GRIA1: variants seen among roughly 807,000 people sequenced by gnomAD.
GRIA1 encodes the protein glutamate ionotropic receptor AMPA type subunit 1.
In GRIA1, 31 loss-of-function variants were observed where a neutral mutation model predicts 99.2. The ratio of observed to expected loss-of-function variants is 0.31; its 90% confidence interval spans 0.23 to 0.42. The LOEUF (loss-of-function observed/expected upper bound fraction) is 0.42. Among genes scored for constraint, GRIA1 ranks in the 10% least tolerant of loss-of-function variants. The pLI, the probability that GRIA1 is intolerant of heterozygous loss-of-function variation, is 1.00. For missense variants in GRIA1, 782 were observed against 1,157.5 expected (o/e 0.68, Z 4.71); for synonymous variants, 438 against 432.4 (o/e 1.01, Z -0.16).
At chr5:153,627,562 C>T (rs893532611) in intron 2 of GRIA1, among the ~76,000 whole-genome samples, 4 of 149,628 alleles carry the variant, frequency 2.7e-5, no homozygotes, top group Admixed American at 6.7e-5. Flanking sequence ...AAGTCACTAA[C>T]TCCAGAGTAA....
intron 8 of GRIA1, 26 bp from the exon 9 acceptor site, chr5:153,698,018 C>T (rs1758238882): frequency 7.5e-7 from 1 of 1,324,980 alleles, no homozygotes; most frequent in South Asian, 1.2e-5. Flanking sequence ...GCCCACCTGA[C>T]ACCTCCACTC....
intron 2 of GRIA1, among the ~76,000 whole-genome samples, chr5:153,599,601 ATTATT>A (rs1764720382): frequency 6.6e-6 from 1 of 151,814 alleles, no homozygotes; most frequent in Non-Finnish European, 1.5e-5. Flanking sequence ...GCCACACTTT[ATTATT>A]TTGATTGTTA....
At chr5:153,504,302 C>T (rs1482768640) in intron 2 of GRIA1, among the ~76,000 whole-genome samples, 1 of 151,100 alleles carries the variant, frequency 6.6e-6, no homozygotes, top group Non-Finnish European at 1.5e-5. Context: ...AGATTGAATG[C>T]TTGAGAGGCA....
chr5:153,607,156 A>C (rs1328299048), intron 2 of GRIA1, among the ~76,000 whole-genome samples: 5 of 151,174 alleles, frequency 3.3e-5, no homozygotes, highest in Non-Finnish European at 7.4e-5. Flanking sequence ...CGCTATAAAC[A>C]TGCATGTGCA....
At position 153,674,515 on chromosome 5, in the gene GRIA1, G is replaced by C. The variant is rs757767848; in HGVS notation, c.715G>C (p.Asp239His). The C allele has an allele frequency of 1.2e-6, 2 of 1,614,096 alleles. No homozygotes were observed. The highest frequency in any genetic ancestry group is 2.2e-5 in the South Asian group (2 of 91,072). The change falls in exon 6 of 16, where the codon GAC (aspartate) becomes CAC (histidine). Residue 239 changes from aspartate (D) to histidine (H), a missense_variant. Asp to His is a moderately conservative substitution (Grantham distance 81). Transcript: ENST00000285900. Reference sequence around the variant, plus strand: ...CCTCTCACAGGGCTTCATGGACATTGACTTAAACAAATTCAAGGAGAGTGG... The same window carrying C: ...CCTCTCACAGGGCTTCATGGACATTCACTTAAACAAATTCAAGGAGAGTGG... ...ILANLGFMDIDLNKFKESGAN... is the reference protein window; with the variant it reads ...ILANLGFMDIHLNKFKESGAN...
intron 2 of GRIA1, among the ~76,000 whole-genome samples, chr5:153,501,793 T>C (rs1755036920): frequency 6.6e-6 from 1 of 152,198 alleles, no homozygotes; most frequent in South Asian, 2.1e-4. Context: ...TGTCATGGTA[T>C]GTGGCTCTCT....
intron 2 of GRIA1, among the ~76,000 whole-genome samples, chr5:153,639,138 A>G (rs950834795): frequency 6.6e-6 from 1 of 152,214 alleles, no homozygotes; most frequent in African/African-American, 2.4e-5. Context: ...CTGAGTCACA[A>G]CAACCTTCCC....
intron 5 of GRIA1, among the ~76,000 whole-genome samples, chr5:153,667,049 T>A (rs1209168905): frequency 1.3e-5 from 2 of 152,230 alleles, no homozygotes; most frequent in African/African-American, 4.8e-5. Flanking sequence ...CTATAACTAC[T>A]CTCTCAATGG....
chr5:153,554,264 A>G (rs1295454735), intron 2 of GRIA1, among the ~76,000 whole-genome samples: 5 of 152,126 alleles, frequency 3.3e-5, no homozygotes, highest in Non-Finnish European at 5.9e-5. Context: ...ATGCTGAAAC[A>G]TTTCTCAGGA....
Position 153,490,732 on chromosome 5 carries a change from C to T in GRIA1, c.-157C>T. 4.2e-6 allele frequency: 3 copies of T among 713,242 alleles called. No individual in the cohort carries two copies. The highest frequency in any genetic ancestry group is 7.7e-6 in the Non-Finnish European group (3 of 389,202). The allele number at this position is 713,242 out of a possible 1,614,324, so 44.2% of individuals were successfully genotyped here. A position where few individuals can be genotyped will look rare whatever the true frequency, so the allele number is the denominator to read the frequency against. On this transcript the variant is annotated 5_prime_UTR_variant, in exon 1 of 16. Coordinates refer to ENST00000285900, the MANE Select transcript of GRIA1 (RefSeq NM_000827.4). ...TTAAGTGTTCGGATTCCAAGGGAAACAGACAAACCTCACGAAAGGAAGGAA... is the reference window on the plus strand; with the variant it reads ...TTAAGTGTTCGGATTCCAAGGGAAATAGACAAACCTCACGAAAGGAAGGAA...
intron 2 of GRIA1, among the ~76,000 whole-genome samples, chr5:153,563,934 G>C (rs1385038563): frequency 6.6e-6 from 1 of 152,210 alleles, no homozygotes; most frequent in East Asian, 1.9e-4. Flanking sequence ...CATTTGTAAA[G>C]TGCCATGTTC....
At chr5:153,502,870 G>A (rs1755141720) in intron 2 of GRIA1, among the ~76,000 whole-genome samples, 1 of 152,168 alleles carries the variant, frequency 6.6e-6, no homozygotes, top group East Asian at 1.9e-4. Flanking sequence ...GAAAGCTATA[G>A]GAACAGAGAC....
intron 2 of GRIA1, among the ~76,000 whole-genome samples, chr5:153,618,043 A>G (rs1160351615): frequency 1.3e-5 from 2 of 152,170 alleles, no homozygotes; most frequent in East Asian, 3.9e-4. Flanking sequence ...ATAGCATAAA[A>G]TTATTTGGTT....
intron 2 of GRIA1, among the ~76,000 whole-genome samples, chr5:153,634,048 G>A (rs927538055): frequency 1.3e-5 from 2 of 152,174 alleles, no homozygotes; most frequent in Non-Finnish European, 2.9e-5. Context: ...CGGGCACGGT[G>A]GCTCACTCCT....
chr5:153,563,584 C>T (rs1761344917), intron 2 of GRIA1, among the ~76,000 whole-genome samples: 2 of 152,230 alleles, frequency 1.3e-5, no homozygotes, highest in South Asian at 4.1e-4. Flanking sequence ...TCATTGTTCT[C>T]TGCTGCTTCC....
intron 15 of GRIA1, among the ~76,000 whole-genome samples, chr5:153,804,440 G>A (rs1170838157): frequency 1.3e-5 from 2 of 152,054 alleles, no homozygotes; most frequent in African/African-American, 2.4e-5. Context: ...AGGTTACTCC[G>A]GTGGCAAAAA....
At chr5:153,591,346 G>A (rs914578523) in intron 2 of GRIA1, among the ~76,000 whole-genome samples, 1 of 152,186 alleles carries the variant, frequency 6.6e-6, no homozygotes, top group Non-Finnish European at 1.5e-5. Flanking sequence ...GCCAGTGTTT[G>A]TGGAGCACTA....
intron 2 of GRIA1, among the ~76,000 whole-genome samples, chr5:153,555,657 C>T (rs1434324047): frequency 3.9e-5 from 6 of 152,044 alleles, no homozygotes; most frequent in Non-Finnish European, 7.4e-5. Context: ...GGGCGGGAAG[C>T]GATTGATTGG....
At chr5:153,617,358 T>C (rs1268121389) in intron 2 of GRIA1, among the ~76,000 whole-genome samples, 1 of 152,212 alleles carries the variant, frequency 6.6e-6, no homozygotes, top group Non-Finnish European at 1.5e-5. Flanking sequence ...TATCATTTTG[T>C]TTTCAGGAAG....
Sources: gnomAD v4.1 joint callset for allele counts (sites outside exome capture counted in the v4.1 genomes callset) on GRCh38, gnomAD v4.1.1 for gene constraint, MANE v1.5 for transcripts, NCBI Gene and HGNC (gene_info 2026-07-23, HGNC 2026-07-21) for gene names.